RNF220: variants seen among roughly 807,000 people sequenced by gnomAD.
RNF220 encodes ring finger protein 220, also known as E3 ubiquitin-protein ligase RNF220.
Under a neutral mutation model 67.1 loss-of-function variants are expected in RNF220, and 7 were observed. That is an observed-to-expected ratio of 0.10 (90% CI 0.06 to 0.20). The LOEUF is 0.20. Among genes scored for constraint, RNF220 ranks in the 10% least tolerant of loss-of-function variants. The probability of loss-of-function intolerance (pLI) is 1.00; values close to 1 mark genes in which losing one functional copy is unlikely to be tolerated. For missense variants in RNF220, 565 were observed against 740.3 expected, an observed-to-expected ratio of 0.76 and a Z score of 2.75; for synonymous variants, 270 against 283.2, an observed-to-expected ratio of 0.95 and a Z score of 0.47.
At chr1:44,425,913 C>T (rs1156281675) in intron 2 of RNF220, among the ~76,000 whole-genome samples, 1 of 152,088 alleles carries the variant, frequency 6.6e-6, no homozygotes, top group Non-Finnish European at 1.5e-5. Flanking sequence ...TCTGACATGC[C>T]ATTCCCTCCT....
chr1:44,437,957 G>A (rs1651149196), intron 2 of RNF220, among the ~76,000 whole-genome samples: 1 of 152,098 alleles, frequency 6.6e-6, no homozygotes, highest in African/African-American at 2.4e-5. Context: ...GTTGGGAAAG[G>A]CCTTAAACAG....
intron 2 of RNF220, among the ~76,000 whole-genome samples, chr1:44,595,361 G>T (rs1346597608): frequency 6.6e-6 from 1 of 152,192 alleles, no homozygotes; most frequent in Non-Finnish European, 1.5e-5. Flanking sequence ...GGACGCCCGG[G>T]CCCTGTGGTC....
intron 2 of RNF220, among the ~76,000 whole-genome samples, chr1:44,450,222 G>T (rs979300385): frequency 1.3e-5 from 2 of 151,994 alleles, no homozygotes; most frequent in East Asian, 1.9e-4. Context: ...AAAAAAAAAA[G>T]TCTGAAAGTG....
At chr1:44,511,483 G>A (rs2148125274) in intron 2 of RNF220, among the ~76,000 whole-genome samples, 1 of 152,304 alleles carries the variant, frequency 6.6e-6, no homozygotes, top group African/African-American at 2.4e-5. Context: ...GGGCAGAGAT[G>A]CTCAGCTCAT....
At chr1:44,526,501 C>T (rs997732962) in intron 2 of RNF220, among the ~76,000 whole-genome samples, 1 of 152,174 alleles carries the variant, frequency 6.6e-6, no homozygotes, top group Non-Finnish European at 1.5e-5. Context: ...TGTGTCCTGA[C>T]TCAGTACTAC....
chr1:44,405,805 A>AG (rs911148651), intron 1 of RNF220, among the ~76,000 whole-genome samples: 5 of 16,394 alleles, frequency 3.0e-4, no homozygotes, highest in Admixed American at 5.8e-4. Context: ...TTATTTGGGG[A>AG]GGGGGGGAGG....
chr1:44,477,254 A>G (rs1259790227), intron 2 of RNF220, among the ~76,000 whole-genome samples: 1 of 152,248 alleles, frequency 6.6e-6, no homozygotes, highest in Non-Finnish European at 1.5e-5. Flanking sequence ...TGGTGAATAA[A>G]TGAACATGGT....
intron 2 of RNF220, among the ~76,000 whole-genome samples, chr1:44,469,604 C>T (rs1252080983): frequency 1.3e-5 from 2 of 152,152 alleles, no homozygotes; most frequent in African/African-American, 2.4e-5. Flanking sequence ...TGAGTTCCTT[C>T]TATGTGTGAG....
intron 5 of RNF220, 35 bp downstream of exon 5, chr1:44,626,433 G>A: frequency 6.5e-7 from 1 of 1,540,468 alleles, no homozygotes; most frequent in Non-Finnish European, 9.0e-7. Flanking sequence ...TGAGAAGCAA[G>A]CTCACCTGGG....
At chr1:44,568,418 T>A (rs1558051802) in intron 2 of RNF220, among the ~76,000 whole-genome samples, 2 of 152,248 alleles carry the variant, frequency 1.3e-5, no homozygotes, top group African/African-American at 4.8e-5. Flanking sequence ...GCACCCTGAA[T>A]TTATCTTAAT....
chr1:44,481,927 T>C (rs1054057520), intron 2 of RNF220, among the ~76,000 whole-genome samples: 44 of 152,268 alleles, frequency 2.9e-4, no homozygotes, highest in African/African-American at 1.0e-3. Flanking sequence ...AGAGGGTCAT[T>C]CTCTCAGTTG....
chr1:44,589,520 G>A lies in RNF220; in HGVS notation c.626-24645G>A, dbSNP rs527604837. ...TCCCAGCTACTCGGGAGGCTGAGGC[G>A]GGAGAATGGCGTGAACCCAGGAGGA... On this transcript the variant is annotated intron_variant, in intron 2 of 14. Coordinates refer to ENST00000361799, the MANE Select transcript of RNF220 (RefSeq NM_018150.4). Among the ~76,000 whole-genome samples, 161 of 151,434 alleles carry A rather than the reference G, an allele frequency of 1.1e-3. 1 individual carries two copies. The highest frequency in any genetic ancestry group is 3.4e-3 in the African/African-American group (139 of 41,270).
At chr1:44,424,837 A>C (rs1649589978) in intron 2 of RNF220, among the ~76,000 whole-genome samples, 1 of 152,208 alleles carries the variant, frequency 6.6e-6, no homozygotes, top group Non-Finnish European at 1.5e-5. Flanking sequence ...GTGCTTGGCC[A>C]GATGTGAGGG....
chr1:44,412,017 G>T lies in RNF220; in HGVS notation c.-81G>T. On this transcript the variant is annotated 5_prime_UTR_variant, in exon 2 of 15. Transcript: ENST00000361799. The surrounding 1 kb of genome is among the most constrained non-coding windows in gnomAD (Gnocchi z 5.3). ...GAATGATTCCCCAGTAATATTCCCTGCCCTGACCCAAAGTGCTGGTTGGCC... is the reference window on the plus strand; with the variant it reads ...GAATGATTCCCCAGTAATATTCCCTTCCCTGACCCAAAGTGCTGGTTGGCC... 3 of 1,495,494 alleles carry T rather than the reference G, an allele frequency of 2.0e-6. No homozygotes were observed. Among genetic ancestry groups the T allele is most frequent in the Non-Finnish European group, 2.7e-6 (3 of 1,104,462 alleles). The allele number at this position is 1,495,494 out of a possible 1,614,324, so 92.6% of individuals were successfully genotyped here.
In RNF220 at chr1:44,414,935, CTAATCTT is replaced by C. The variant is rs113707759; in HGVS notation, c.625+2218_625+2224del. Among the ~76,000 whole-genome samples, 915 of 150,460 alleles carry C rather than the reference CTAATCTT, an allele frequency of 6.1e-3. 14 individuals carry two copies. The highest frequency in any genetic ancestry group is 0.022 in the African/African-American group (881 of 40,776). ...TTATTATCCAGAGTTGCATTTGTGA[CTAATCTT>C]TAATAAAAAACAAAGGTGCAAAGTG... is the stretch of plus-strand genomic sequence containing the variant. On this transcript the variant is annotated intron_variant, in intron 2 of 14. Coordinates refer to ENST00000361799, the MANE Select transcript of RNF220 (RefSeq NM_018150.4).
chr1:44,588,257 G>A (rs568986724), intron 2 of RNF220, among the ~76,000 whole-genome samples: 10 of 152,338 alleles, frequency 6.6e-5, no homozygotes, highest in South Asian at 2.1e-4. Flanking sequence ...ATGGAGGCTC[G>A]CTGGCAGGGA....
chr1:44,480,356 C>T (rs899877753), intron 2 of RNF220, among the ~76,000 whole-genome samples: 1 of 152,030 alleles, frequency 6.6e-6, no homozygotes, highest in African/African-American at 2.4e-5. Context: ...GTGGTGAGCC[C>T]TGATCGTGCC....
rs1644734117 is a variant in RNF220 at position 44,649,519 on chromosome 1, T to C, written c.1446-142T>C. 1 of 725,952 alleles carries C rather than the reference T, an allele frequency of 1.4e-6. No homozygotes were observed. Among genetic ancestry groups the C allele is most frequent in the Admixed American group, 2.3e-5 (1 of 44,064 alleles). The allele number at this position is 725,952 out of a possible 1,614,324, so 45.0% of individuals were successfully genotyped here. ...AGTTCTGGAATGTGGAATTTGCAGA[T>C]TCAGGTTATCAGAGAAAGGGGGCAG... On this transcript the variant is annotated intron_variant, in intron 12 of 14. Coordinates refer to ENST00000361799, the MANE Select transcript of RNF220 (RefSeq NM_018150.4). The surrounding 1 kb of genome is among the most constrained non-coding windows in gnomAD (Gnocchi z 5.9).
At chr1:44,572,199 G>A (rs921769483) in intron 2 of RNF220, among the ~76,000 whole-genome samples, 6 of 152,222 alleles carry the variant, frequency 3.9e-5, no homozygotes, top group Admixed American at 1.3e-4. Context: ...GCAGTCTGGG[G>A]ACATGTGACA....
Sources: allele counts gnomAD v4.1 joint callset (sites outside exome capture counted in the v4.1 genomes callset), GRCh38; gene constraint gnomAD v4.1.1; non-coding constraint Gnocchi (gnomAD v3.1); transcripts MANE v1.5; gene names NCBI Gene and HGNC (gene_info 2026-07-23, HGNC 2026-07-21).